Variants in MARCHF1 observed in about 807,000 individuals in gnomAD.
MARCHF1 encodes the protein E3 ubiquitin-protein ligase MARCHF1.
Under a neutral mutation model 54.2 loss-of-function variants are expected in MARCHF1, and 40 were observed. The ratio of observed to expected loss-of-function variants is 0.74; its 90% CI spans 0.57 to 0.96. MARCHF1 has a LOEUF of 0.96. MARCHF1 is among the 40% of genes least tolerant of loss of function. The pLI is 0.00. For synonymous variants in MARCHF1, 236 were observed against 236.3 expected, an observed-to-expected ratio of 1.00 and a Z score of 0.01; for missense variants, 586 against 656.5, an observed-to-expected ratio of 0.89 and a Z score of 1.17.
At chr4:164,166,223 C>A (rs1430997) in intron 1 of MARCHF1, among the ~76,000 whole-genome samples, 1 of 151,694 alleles carries the variant, frequency 6.6e-6, no homozygotes, top group Middle Eastern at 3.2e-3. Context: ...TTTCTTCATG[C>A]CTTTTCCACT....
At chr4:164,137,173 T>G (rs982916935) in intron 1 of MARCHF1, among the ~76,000 whole-genome samples, 7 of 152,208 alleles carry the variant, frequency 4.6e-5, no homozygotes, top group Non-Finnish European at 1.0e-4. Context: ...GCTCTTATTA[T>G]TTGCCTAATA....
intron 1 of MARCHF1, among the ~76,000 whole-genome samples, chr4:164,164,407 G>A (rs1015489289): frequency 6.6e-6 from 1 of 151,880 alleles, no homozygotes; most frequent in African/African-American, 2.4e-5. Context: ...AATGGCATAA[G>A]ACACTACATA....
intron 2 of MARCHF1, among the ~76,000 whole-genome samples, chr4:164,105,457 G>A (rs1267834280): frequency 2.0e-4 from 30 of 146,954 alleles, no homozygotes; most frequent in Non-Finnish European, 3.2e-4. Flanking sequence ...CAGAAATAAC[G>A]CTGCATATCT....
At chr4:164,149,125 A>T (rs1176877502) in intron 1 of MARCHF1, among the ~76,000 whole-genome samples, 2 of 152,152 alleles carry the variant, frequency 1.3e-5, no homozygotes, top group Admixed American at 1.3e-4. Flanking sequence ...CCCTCTTGTC[A>T]TGTGATATGC....
chr4:163,574,554 C>T (rs1219835842), intron 8 of MARCHF1, among the ~76,000 whole-genome samples: 3 of 137,306 alleles, frequency 2.2e-5, no homozygotes, highest in Non-Finnish European at 3.1e-5. Flanking sequence ...TTTCCCAGCA[C>T]CATTGATTAA....
intron 1 of MARCHF1, among the ~76,000 whole-genome samples, chr4:164,199,597 C>A (rs1207679442): frequency 6.8e-6 from 1 of 148,020 alleles, no homozygotes; most frequent in Non-Finnish European, 1.5e-5. Context: ...GATCACTCCA[C>A]TACACTCCAG....
intron 5 of MARCHF1, among the ~76,000 whole-genome samples, chr4:163,630,975 G>T (rs1451464717): frequency 6.6e-6 from 1 of 152,106 alleles, no homozygotes; most frequent in Non-Finnish European, 1.5e-5. Flanking sequence ...GTCCATACAT[G>T]TTGTATGTTG....
At chr4:163,546,345 C>T (rs1226749319) in intron 8 of MARCHF1, among the ~76,000 whole-genome samples, 1 of 152,138 alleles carries the variant, frequency 6.6e-6, no homozygotes, top group Non-Finnish European at 1.5e-5. Flanking sequence ...TAAATCAAGT[C>T]ATTTCTGTTT....
intron 9 of MARCHF1, among the ~76,000 whole-genome samples, chr4:163,534,664 G>A (rs1560927533): frequency 6.6e-6 from 1 of 152,014 alleles, no homozygotes; most frequent in Admixed American, 6.6e-5. Context: ...TTTAGAGTAC[G>A]AAAATGGACT....
At chr4:164,011,486 C>A (rs551856555) in intron 2 of MARCHF1, among the ~76,000 whole-genome samples, 1 of 152,098 alleles carries the variant, frequency 6.6e-6, no homozygotes, top group Non-Finnish European at 1.5e-5. Context: ...GCAAAAGAAA[C>A]ATATACATGG....
At chr4:164,234,698 C>A (rs1397325705) in intron 1 of MARCHF1, 3 of 152,054 alleles carry the variant, frequency 2.0e-5, no homozygotes, top group African/African-American at 7.2e-5. Context: ...CTTAAATCCA[C>A]AGAAATGTAC....
At chr4:163,781,087 T>C (rs1747452056) in intron 4 of MARCHF1, among the ~76,000 whole-genome samples, 1 of 151,834 alleles carries the variant, frequency 6.6e-6, no homozygotes, top group Admixed American at 6.6e-5. Flanking sequence ...CTCACGCCTA[T>C]AATCCCAGCA....
intron 1 of MARCHF1, among the ~76,000 whole-genome samples, chr4:164,381,310 T>C (rs1252853022): frequency 6.6e-6 from 1 of 152,218 alleles, no homozygotes; most frequent in African/African-American, 2.4e-5. Context: ...TTTTACTCCA[T>C]GTGGTTTTAA....
chr4:163,897,987 G>A (rs1235933215), intron 3 of MARCHF1, among the ~76,000 whole-genome samples: 8 of 149,356 alleles, frequency 5.4e-5, no homozygotes, highest in African/African-American at 2.0e-4. Context: ...CACGAACCCG[G>A]GAGGCGGAGC....
At chr4:164,331,789 T>C (rs1259495705) in intron 1 of MARCHF1, among the ~76,000 whole-genome samples, 1 of 152,210 alleles carries the variant, frequency 6.6e-6, no homozygotes, top group African/African-American at 2.4e-5. Flanking sequence ...AAGAAGCTCA[T>C]TTTCATCTCT....
intron 7 of MARCHF1, among the ~76,000 whole-genome samples, chr4:163,597,362 C>A (rs1034444037): frequency 1.3e-5 from 2 of 152,178 alleles, no homozygotes; most frequent in African/African-American, 4.8e-5. Context: ...TATTCAGAAT[C>A]CTGACAGAAT....
At chr4:163,751,388 GA>G (rs1396541429) in intron 4 of MARCHF1, among the ~76,000 whole-genome samples, 2 of 151,290 alleles carry the variant, frequency 1.3e-5, no homozygotes, top group Non-Finnish European at 2.9e-5. Flanking sequence ...AATAATACAT[GA>G]AAAAAATAAA....
At chr4:164,190,105 A>T in intron 1 of MARCHF1, 1 of 1,450,690 alleles carries the variant, frequency 6.9e-7, no homozygotes, top group South Asian at 1.2e-5. Flanking sequence ...CAGATTGGAG[A>T]TAAAGAAAAG....
intron 4 of MARCHF1, among the ~76,000 whole-genome samples, chr4:163,741,181 T>C (rs912210422): frequency 2.0e-5 from 3 of 152,232 alleles, no homozygotes; most frequent in African/African-American, 7.2e-5. Context: ...TTTTCTTATA[T>C]GTAAAATTAG....
Sources: gnomAD v4.1 joint callset for allele counts (sites outside exome capture counted in the v4.1 genomes callset) on GRCh38, gnomAD v4.1.1 for gene constraint, MANE v1.5 for transcripts, NCBI Gene and HGNC (gene_info 2026-07-23, HGNC 2026-07-21) for gene names.